Variants in FBXL17 observed in about 807,000 individuals in gnomAD.
FBXL17 encodes the protein F-box/LRR-repeat protein 17.
FBXL17 carries 22 observed loss-of-function variants against 66.2 expected under a neutral mutation model. The ratio of observed to expected loss-of-function variants is 0.33; its 90% CI spans 0.24 to 0.47. The LOEUF is 0.47. Among genes scored for constraint, FBXL17 ranks in the 20% least tolerant of loss-of-function variants. The pLI is 1.00. For missense variants in FBXL17, 878 were observed against 948.2 expected (o/e 0.93, Z 0.97); for synonymous variants, 474 against 400.5 (o/e 1.18, Z -2.19).
At chr5:108,351,156 T>C (rs981090864) in intron 3 of FBXL17, among the ~76,000 whole-genome samples, 3 of 152,100 alleles carry the variant, frequency 2.0e-5, no homozygotes, top group African/African-American at 7.2e-5. Flanking sequence ...TTAATTCCAA[T>C]GAAAACAAAA....
intron 6 of FBXL17, among the ~76,000 whole-genome samples, chr5:108,157,800 A>T (rs114724292): frequency 7.9e-5 from 12 of 152,202 alleles, no homozygotes; most frequent in African/African-American, 2.9e-4. Flanking sequence ...GCTTTTTAAA[A>T]GTTCAATGTT....
intron 4 of FBXL17, among the ~76,000 whole-genome samples, chr5:108,234,261 C>T (rs540216606): frequency 3.9e-5 from 6 of 152,132 alleles, no homozygotes; most frequent in African/African-American, 7.2e-5. Flanking sequence ...TAGTTGCCAC[C>T]GGGTTGAAGA....
rs1435284015 is a variant in FBXL17 at position 107,948,615 on chromosome 5, A to C, written c.1823-67436T>G. 2.6e-5 allele frequency among the ~76,000 whole-genome samples: 4 copies of C among 152,086 alleles called. No homozygotes were observed. In the East Asian group the frequency reaches 5.8e-4, roughly 22 times the overall value. The stretch of plus-strand genomic sequence containing the variant: ...TCAAATCCATAAACCTGGCTGTGCC[A>C]CTCCCCAGGGAACCCTTCAATGTCA... On this transcript the variant is annotated intron_variant, in intron 7 of 8. Transcript: ENST00000542267.
intron 6 of FBXL17, among the ~76,000 whole-genome samples, chr5:108,046,292 T>C (rs570565582): frequency 6.6e-6 from 1 of 152,336 alleles, no homozygotes; most frequent in East Asian, 1.9e-4. Context: ...TTGCATGATA[T>C]ATCTTTTCCT....
intron 6 of FBXL17, among the ~76,000 whole-genome samples, chr5:108,180,838 T>C (rs886138185): frequency 9.2e-5 from 14 of 152,130 alleles, no homozygotes; most frequent in African/African-American, 3.4e-4. Flanking sequence ...TTCATGAGCA[T>C]GCATGGTCAA....
intron 6 of FBXL17, among the ~76,000 whole-genome samples, chr5:108,176,455 T>G (rs1238074456): frequency 6.6e-6 from 1 of 152,144 alleles, no homozygotes; most frequent in East Asian, 1.9e-4. Flanking sequence ...ACTTATGCAC[T>G]ATTGCTCACT....
chr5:108,113,978 A>T (rs887015917), intron 6 of FBXL17, among the ~76,000 whole-genome samples: 1 of 152,200 alleles, frequency 6.6e-6, no homozygotes, highest in Non-Finnish European at 1.5e-5. Context: ...GAACTTTTAC[A>T]CATAGAACAA....
chr5:108,275,716 A>C (rs1226574522), intron 4 of FBXL17, among the ~76,000 whole-genome samples: 1 of 152,218 alleles, frequency 6.6e-6, no homozygotes, highest in Non-Finnish European at 1.5e-5. Context: ...AGAGAGACTT[A>C]AGTCTCTTGA....
rs1255695681 is a variant in FBXL17, at chr5:108,367,685, C to G, written c.1116+146G>C. On this transcript the variant is annotated intron_variant, in intron 2 of 8. Transcript: ENST00000542267. ...TCTAGCTTTACCTTGAAATCACATA[C>G]ACAAAAAACTACAGAAGCACAAAAT... 8.5e-6 allele frequency: 5 copies of G among 586,332 alleles called. No individual in the cohort carries two copies. In the South Asian group the frequency reaches 2.3e-4, roughly 27 times the overall value. 36.3% of individuals were successfully genotyped at this position (586,332 alleles called of 1,614,324 possible).
intron 4 of FBXL17, among the ~76,000 whole-genome samples, chr5:108,310,838 G>A (rs965818389): frequency 2.0e-5 from 3 of 152,060 alleles, no homozygotes; most frequent in African/African-American, 7.2e-5. Flanking sequence ...CTTTACACAT[G>A]TCCTACATAT....
chr5:108,355,304 A>ATTTATTTATTTG (rs1469609619), intron 3 of FBXL17, among the ~76,000 whole-genome samples: 1 of 124,438 alleles, frequency 8.0e-6, no homozygotes, highest in African/African-American at 2.7e-5. Flanking sequence ...TTATTTATTT[A>ATTTATTTATTTG]TTTTTGAGAC....
At position 107,954,335 on chromosome 5, in the gene FBXL17, T is replaced by A. The variant is rs1432275738; in HGVS notation, c.1822+66590A>T. Among the ~76,000 whole-genome samples the A allele has an allele frequency of 3.9e-5, 6 of 152,308 alleles. No homozygotes were observed. The East Asian group carries it at 1.2e-3, about 29-fold the overall frequency. ...AATACTTTTCCTGACATTTACCTAT[T>A]CAAATCACACAAAAATAATTTAAAA... On this transcript the variant is annotated intron_variant, in intron 7 of 8. Coordinates refer to ENST00000542267, the MANE Select transcript of FBXL17 (RefSeq NM_001163315.3).
intron 4 of FBXL17, among the ~76,000 whole-genome samples, chr5:108,312,982 C>G (rs1158431375): frequency 6.6e-6 from 1 of 151,816 alleles, no homozygotes; most frequent in African/African-American, 2.4e-5. Context: ...TGATAATTAC[C>G]ATCATGTTTT....
At chr5:107,892,691 T>A (rs1749234273) in intron 7 of FBXL17, among the ~76,000 whole-genome samples, 1 of 152,080 alleles carries the variant, frequency 6.6e-6, no homozygotes, top group Non-Finnish European at 1.5e-5. Flanking sequence ...AAAAAAAGCA[T>A]AAAGCTATTT....
intron 4 of FBXL17, among the ~76,000 whole-genome samples, chr5:108,233,955 C>T (rs965644141): frequency 6.6e-6 from 1 of 152,066 alleles, no homozygotes; most frequent in Admixed American, 6.6e-5. Context: ...GGGTGGATTC[C>T]TGTGAGATCA....
intron 7 of FBXL17, among the ~76,000 whole-genome samples, chr5:107,954,600 A>C (rs1372173831): frequency 6.6e-6 from 1 of 152,208 alleles, no homozygotes; most frequent in African/African-American, 2.4e-5. Context: ...CAAAGTAGAG[A>C]ATTCTTTTTA....
chr5:107,864,638 G>A (rs1419506096), intron 8 of FBXL17, among the ~76,000 whole-genome samples: 2 of 152,088 alleles, frequency 1.3e-5, no homozygotes, highest in African/African-American at 4.8e-5. Flanking sequence ...CTCGAGATCT[G>A]GTTGTTTAAA....
At chr5:108,227,808 C>T (rs1367638891) in intron 4 of FBXL17, among the ~76,000 whole-genome samples, 3 of 152,148 alleles carry the variant, frequency 2.0e-5, no homozygotes, top group Non-Finnish European at 4.4e-5. Flanking sequence ...TGACACTTAG[C>T]ATTCTAAAGG....
At chr5:108,344,372 A>T (rs1475367180) in intron 4 of FBXL17, among the ~76,000 whole-genome samples, 1 of 152,216 alleles carries the variant, frequency 6.6e-6, no homozygotes, top group Non-Finnish European at 1.5e-5. Context: ...TCAGGAAATC[A>T]ACTTTCCATT....
Sources: gnomAD v4.1 joint callset for allele counts (sites outside exome capture counted in the v4.1 genomes callset) on GRCh38, gnomAD v4.1.1 for gene constraint, MANE v1.5 for transcripts, NCBI Gene and HGNC (gene_info 2026-07-23, HGNC 2026-07-21) for gene names.